The following ENTPD1 variants were observed in gnomAD, a reference collection of about 807,000 sequenced individuals.
ENTPD1 encodes the protein ectonucleoside triphosphate diphosphohydrolase 1.
A neutral mutation model predicts 57.0 loss-of-function variants in ENTPD1; 33 were observed. That is an observed-to-expected ratio of 0.58 (90% CI 0.44 to 0.77). The LOEUF is 0.77. ENTPD1 is among the 30% of genes least tolerant of loss of function. The probability of loss-of-function intolerance (pLI) is 0.00; values close to 1 mark genes in which losing one functional copy is unlikely to be tolerated. For synonymous variants in ENTPD1, 202 were observed against 218.8 expected (o/e 0.92, Z 0.68); for missense variants, 501 against 603.4 (o/e 0.83, Z 1.78).
intron 1 of ENTPD1, among the ~76,000 whole-genome samples, chr10:95,740,870 G>T (rs2097999681): frequency 6.6e-6 from 1 of 152,134 alleles, no homozygotes; most frequent in Admixed American, 6.5e-5. Context: ...ACCTTTCTCA[G>T]CCTTCATAGA....
intron 2 of ENTPD1, among the ~76,000 whole-genome samples, chr10:95,839,121 C>T (rs534291842): frequency 2.0e-5 from 3 of 152,136 alleles, no homozygotes; most frequent in African/African-American, 4.8e-5. Flanking sequence ...ATATTTATTA[C>T]GTCTTACTGG....
chr10:95,703,781 CAAAAAAAAAAAA>C, the ENTPD1 span, among the ~76,000 whole-genome samples: 2 of 73,420 alleles, frequency 2.7e-5, no homozygotes, highest in Non-Finnish European at 5.2e-5. Context: ...GACTCTGTCT[CAAAAAAAAAAAA>C]AAAAAAAAAA....
In ENTPD1 at chr10:95,855,698, C is replaced by G. The variant is rs1409163580; in HGVS notation, c.1075-4771C>G. Among the ~76,000 whole-genome samples, 3 of 152,120 alleles carry G rather than the reference C, an allele frequency of 2.0e-5. No individual in the cohort carries two copies. In the East Asian group the frequency reaches 5.8e-4, roughly 29 times the overall value. ...TTTTATTTCTCCTTCACTTATGAAG[C>G]TTAGGTTGGCTGGACATGAAATTCT... On this transcript the variant is annotated intron_variant, in intron 7 of 9. Transcript: ENST00000371205.
chr10:95,872,799 T>A lies in ENTPD1; in HGVS notation c.*6416T>A, dbSNP rs1292778837. On this transcript the variant is annotated 3_prime_UTR_variant, in exon 10 of 10. Transcript: ENST00000371205. ...CTGCTTCACTCTATTTATCTCTTGATGTAACCATCTTCTTTCTCCAGGTTT... is the reference window on the plus strand; with the variant it reads ...CTGCTTCACTCTATTTATCTCTTGAAGTAACCATCTTCTTTCTCCAGGTTT... 4.5e-5 allele frequency: 44 copies of A among 985,364 alleles called. No homozygotes were observed. The highest frequency in any genetic ancestry group is 4.8e-5 in the Non-Finnish European group (40 of 829,944). 61.0% of individuals were successfully genotyped at this position (985,364 alleles called of 1,614,324 possible).
At chr10:95,784,102 CTTT>C (rs200561277) in intron 1 of ENTPD1, among the ~76,000 whole-genome samples, 8 of 134,582 alleles carry the variant, frequency 5.9e-5, no homozygotes, top group African/African-American at 8.3e-5. Context: ...TTTGCTTGTT[CTTT>C]TTTTTTTTTT....
the ENTPD1 span, among the ~76,000 whole-genome samples, chr10:95,697,986 A>G: frequency 6.6e-6 from 1 of 152,224 alleles, no homozygotes; most frequent in South Asian, 2.1e-4. Context: ...TGAATGGAGT[A>G]TTAAGGGTGA....
intron 1 of ENTPD1, among the ~76,000 whole-genome samples, chr10:95,821,854 C>G (rs544430651): frequency 6.6e-6 from 1 of 152,098 alleles, no homozygotes; most frequent in Non-Finnish European, 1.5e-5. Context: ...AGTGCCCAGC[C>G]AGCTTCTACG....
At position 95,867,115 on chromosome 10, in the gene ENTPD1, C is replaced by G. The variant is rs987580133; in HGVS notation, c.*732C>G. On this transcript the variant is annotated 3_prime_UTR_variant, in exon 10 of 10. Coordinates refer to ENST00000371205, the MANE Select transcript of ENTPD1 (RefSeq NM_001776.6). Reference sequence around the variant, plus strand: ...ATATGCATTCAAACATCAGGGCTTACTATGAGGTAGGTGGTATATACATGT... The same window carrying G: ...ATATGCATTCAAACATCAGGGCTTAGTATGAGGTAGGTGGTATATACATGT... 6 of 985,970 alleles carry G rather than the reference C, an allele frequency of 6.1e-6. No individual in the cohort carries two copies. In the African/African-American group the frequency reaches 1.0e-4, roughly 17 times the overall value. 61.1% of individuals were successfully genotyped at this position (985,970 alleles called of 1,614,324 possible).
rs1185676084 is a variant in ENTPD1, at chr10:95,849,634, G to C, written c.1074+1928G>C. ...AACAATAGGTAATGCCATAGATCCA[G>C]ACTTACCTTAACCATGGTCCAAACC... On this transcript the variant is annotated intron_variant, in intron 7 of 9. Transcript: ENST00000371205. 2.6e-5 allele frequency among the ~76,000 whole-genome samples: 4 copies of C among 152,222 alleles called. No individual in the cohort carries two copies. In the East Asian group the frequency reaches 7.7e-4, roughly 29 times the overall value.
At chr10:95,823,688 T>C (rs1431387453) in intron 2 of ENTPD1, among the ~76,000 whole-genome samples, 1 of 152,246 alleles carries the variant, frequency 6.6e-6, no homozygotes, top group Admixed American at 6.5e-5. Context: ...TTCTATATTC[T>C]AGTATATTTC....
chr10:95,711,836 C>A (rs1406242629), exon 1 of ENTPD1: 5 of 1,418,648 alleles, frequency 3.5e-6, no homozygotes, highest in Non-Finnish European at 5.0e-6. Flanking sequence ...TATTAACCTG[C>A]CTTTTTTGTC....
intron 2 of ENTPD1, among the ~76,000 whole-genome samples, chr10:95,825,581 G>GT (rs1391409034): frequency 1.3e-5 from 2 of 151,764 alleles, no homozygotes; most frequent in African/African-American, 4.8e-5. Context: ...TGGGGTTTTT[G>GT]TTTGTTTCTT....
chr10:95,721,081 T>C (rs189841310), intron 1 of ENTPD1, among the ~76,000 whole-genome samples: 1 of 152,316 alleles, frequency 6.6e-6, no homozygotes, highest in African/African-American at 2.4e-5. Context: ...GATAAACTTA[T>C]CCTTTAAGAC....
At chr10:95,757,611 A>G (rs759896518) in intron 1 of ENTPD1, among the ~76,000 whole-genome samples, 2 of 152,166 alleles carry the variant, frequency 1.3e-5, no homozygotes, top group South Asian at 4.1e-4. Flanking sequence ...GCCATTCTCT[A>G]TGAGAAGCAG....
At chr10:95,736,304 A>T (rs1360742888) in intron 1 of ENTPD1, among the ~76,000 whole-genome samples, 1 of 152,140 alleles carries the variant, frequency 6.6e-6, no homozygotes, top group Non-Finnish European at 1.5e-5. Context: ...GCCCAGCTAG[A>T]AAATTTTCAA....
chr10:95,849,489 C>T (rs1355018138), intron 7 of ENTPD1, among the ~76,000 whole-genome samples: 1 of 152,198 alleles, frequency 6.6e-6, no homozygotes, highest in Non-Finnish European at 1.5e-5. Flanking sequence ...CCTAAGGTCA[C>T]CTGGCTTGGC....
the ENTPD1 span, among the ~76,000 whole-genome samples, chr10:95,705,915 T>C: frequency 7.9e-5 from 12 of 152,330 alleles, no homozygotes; most frequent in South Asian, 1.7e-3. Context: ...CTGGGCGATG[T>C]AGTGAGACCT....
At chr10:95,856,975 C>T (rs2098456192) in intron 7 of ENTPD1, among the ~76,000 whole-genome samples, 1 of 151,544 alleles carries the variant, frequency 6.6e-6, no homozygotes, top group African/African-American at 2.4e-5. Context: ...CCATTTTTAA[C>T]TTGTATTATT....
intron 1 of ENTPD1, among the ~76,000 whole-genome samples, chr10:95,807,887 C>T (rs1372367365): frequency 6.6e-6 from 1 of 152,182 alleles, no homozygotes; most frequent in Non-Finnish European, 1.5e-5. Flanking sequence ...GACTTCTTCT[C>T]TTCCTATTTG....
Sources: allele counts gnomAD v4.1 joint callset (sites outside exome capture counted in the v4.1 genomes callset), GRCh38; gene constraint gnomAD v4.1.1; transcripts MANE v1.5; gene names NCBI Gene and HGNC (gene_info 2026-07-23, HGNC 2026-07-21).